The following ANKFN1 variants were observed in gnomAD, a reference collection of about 807,000 sequenced individuals.
ANKFN1 encodes ankyrin repeat and fibronectin type III domain containing 1, also known as ankyrin repeat and fibronectin type-III domain-containing protein 1.
Under a neutral mutation model 108.7 loss-of-function variants are expected in ANKFN1, and 74 were observed. That is an observed-to-expected ratio of 0.68 (90% CI 0.56 to 0.83). The LOEUF (loss-of-function observed/expected upper bound fraction) is 0.83, where lower values mean the gene tolerates loss of function less well. Ranked by LOEUF, ANKFN1 falls within the 40% of genes least tolerant of loss-of-function variation. The probability of loss-of-function intolerance (pLI) is 0.00; values close to 1 mark genes in which losing one functional copy is unlikely to be tolerated. For missense variants in ANKFN1, 1,505 were observed against 1,382.3 expected, an observed-to-expected ratio of 1.09 and a Z score of -1.41; for synonymous variants, 547 against 516.2, an observed-to-expected ratio of 1.06 and a Z score of -0.81.
At chr17:56,121,023 A>G (rs1397098088) in intron 4 of ANKFN1, among the ~76,000 whole-genome samples, 1 of 151,838 alleles carries the variant, frequency 6.6e-6, no homozygotes, top group Non-Finnish European at 1.5e-5. Context: ...CTAGTTCCTC[A>G]CTTATAGCAC....
intron 1 of ANKFN1, among the ~76,000 whole-genome samples, chr17:56,196,233 G>A (rs1192328279): frequency 1.3e-5 from 2 of 152,124 alleles, no homozygotes; most frequent in African/African-American, 2.4e-5. Context: ...TCCAGCTTAG[G>A]CAACAGAACC....
chr17:56,458,501 A>G (rs1346864559), intron 14 of ANKFN1, among the ~76,000 whole-genome samples: 1 of 152,162 alleles, frequency 6.6e-6, no homozygotes, highest in African/African-American at 2.4e-5. Context: ...ATAGAGAACA[A>G]CGCTTAAAAG....
At chr17:56,489,948 C>T (rs1209859654) in intron 18 of ANKFN1, among the ~76,000 whole-genome samples, 2 of 152,266 alleles carry the variant, frequency 1.3e-5, no homozygotes, top group Middle Eastern at 3.4e-3. Flanking sequence ...ACCTGAAACA[C>T]CTTTCCAAAC....
chr17:56,306,198 G>C (rs780336626), intron 3 of ANKFN1, among the ~76,000 whole-genome samples: 7 of 152,158 alleles, frequency 4.6e-5, no homozygotes, highest in Non-Finnish European at 1.0e-4. Flanking sequence ...AAAACGTCTT[G>C]CTGAGAGTTT....
chr17:56,403,862 A>G (rs951797238), intron 8 of ANKFN1, among the ~76,000 whole-genome samples: 3 of 152,056 alleles, frequency 2.0e-5, no homozygotes, highest in Non-Finnish European at 4.4e-5. Context: ...TAGCTTTGTA[A>G]TGGTGAATTC....
At chr17:56,458,048 T>A (rs112313499) in intron 14 of ANKFN1, 69 bp downstream of exon 14, 3 of 1,308,584 alleles carry the variant, frequency 2.3e-6, no homozygotes, top group African/African-American at 1.5e-5. Flanking sequence ...CAGTTACCAG[T>A]CCTACCTAGA....
chr17:56,194,769 A>G (rs899589120), intron 1 of ANKFN1, among the ~76,000 whole-genome samples: 1 of 152,226 alleles, frequency 6.6e-6, no homozygotes, highest in Non-Finnish European at 1.5e-5. Flanking sequence ...GTCAATGTTC[A>G]TCAATTGTAA....
intron 6 of ANKFN1, chr17:56,368,276 C>CTTTTTTTTTTTTGTT (rs2046714413): frequency 1.5e-5 from 1 of 65,416 alleles, no homozygotes. Context: ...TGAAAATGAA[C>CTTTTTTTTTTTTGTT]TTTTTTTTTT....
chr17:56,452,001 G>A (rs572340441), intron 11 of ANKFN1, among the ~76,000 whole-genome samples: 2 of 152,176 alleles, frequency 1.3e-5, no homozygotes, highest in Non-Finnish European at 2.9e-5. Context: ...TGCATGCTTA[G>A]TATTGGGATG....
intron 8 of ANKFN1, among the ~76,000 whole-genome samples, chr17:56,395,826 C>T (rs766155314): frequency 1.3e-5 from 2 of 151,878 alleles, no homozygotes; most frequent in East Asian, 1.9e-4. Flanking sequence ...TCCAGCCTGG[C>T]GACAGAGCAA....
chr17:56,251,371 C>A (rs1366693178), intron 3 of ANKFN1, among the ~76,000 whole-genome samples: 1 of 152,130 alleles, frequency 6.6e-6, no homozygotes, highest in African/African-American at 2.4e-5. Flanking sequence ...CCAGCCTGGG[C>A]AATAGAGTGA....
chr17:56,402,218 G>T (rs2047785036), intron 8 of ANKFN1, among the ~76,000 whole-genome samples: 1 of 152,020 alleles, frequency 6.6e-6, no homozygotes, highest in African/African-American at 2.4e-5. Context: ...AGAATGAATT[G>T]GGGAGAGTTC....
chr17:56,122,261 C>T (rs1198222426), intron 4 of ANKFN1, among the ~76,000 whole-genome samples: 1 of 152,176 alleles, frequency 6.6e-6, no homozygotes, highest in East Asian at 1.9e-4. Context: ...CCTAGAAGAC[C>T]TTTATGGCTC....
At chr17:56,166,576 G>A (rs1332836375) in intron 1 of ANKFN1, among the ~76,000 whole-genome samples, 1 of 151,976 alleles carries the variant, frequency 6.6e-6, no homozygotes, top group East Asian at 1.9e-4. Flanking sequence ...AGCCCATACT[G>A]CAGCCAACCG....
At chr17:56,442,697 T>C (rs2049147498) in intron 9 of ANKFN1, 146 bp from the exon 10 acceptor site, 14 of 582,576 alleles carry the variant, frequency 2.4e-5, no homozygotes, top group South Asian at 1.8e-4. Flanking sequence ...TATAGTTCTG[T>C]TGCCCATGAA....
chr17:56,338,764 G>A (rs1388168587), intron 4 of ANKFN1, among the ~76,000 whole-genome samples: 1 of 151,984 alleles, frequency 6.6e-6, no homozygotes, highest in Non-Finnish European at 1.5e-5. Flanking sequence ...GAATCATATA[G>A]TGCATTCAAA....
intron 19 of ANKFN1, among the ~76,000 whole-genome samples, chr17:56,495,646 A>G (rs750519187): frequency 3.9e-5 from 6 of 152,174 alleles, no homozygotes; most frequent in African/African-American, 4.8e-5. Flanking sequence ...TAGACAGCAC[A>G]TGCAGCAGAA....
chr17:56,163,190 T>A (rs1474265669), intron 1 of ANKFN1, among the ~76,000 whole-genome samples: 2 of 152,146 alleles, frequency 1.3e-5, no homozygotes, highest in Non-Finnish European at 2.9e-5. Flanking sequence ...AACCCATACT[T>A]GAACCTTAAG....
intron 3 of ANKFN1, among the ~76,000 whole-genome samples, chr17:56,279,806 G>A (rs2044024658): frequency 6.6e-6 from 1 of 152,182 alleles, no homozygotes; most frequent in Admixed American, 6.5e-5. Context: ...CTGTTTGTAA[G>A]TTTTGAAAGT....
Sources: gnomAD v4.1 joint callset for allele counts (sites outside exome capture counted in the v4.1 genomes callset) on GRCh38, gnomAD v4.1.1 for gene constraint, MANE v1.5 for transcripts, NCBI Gene and HGNC (gene_info 2026-07-23, HGNC 2026-07-21) for gene names.